The following RAB3C variants were observed in gnomAD, a reference collection of about 807,000 sequenced individuals.
The protein encoded by RAB3C is ras-related protein Rab-3C.
In RAB3C, 17 loss-of-function variants were observed where a neutral mutation model predicts 26.4. The observed-to-expected ratio is 0.64, with a 90% confidence interval of 0.44 to 0.97. The LOEUF is 0.97. RAB3C is among the 50% of genes least tolerant of loss of function. The probability of loss-of-function intolerance (pLI) is 0.00; values close to 1 mark genes in which losing one functional copy is unlikely to be tolerated. For missense variants in RAB3C, 242 were observed against 281.9 expected, an observed-to-expected ratio of 0.86 and a Z score of 1.01; for synonymous variants, 91 against 95.9, an observed-to-expected ratio of 0.95 and a Z score of 0.30.
chr5:58,617,196 G>A (rs543614706), intron 1 of RAB3C, among the ~76,000 whole-genome samples: 1 of 152,114 alleles, frequency 6.6e-6, no homozygotes, highest in Non-Finnish European at 1.5e-5. Flanking sequence ...TGCTTTGGGT[G>A]TGCTTCCCTA....
intron 3 of RAB3C, among the ~76,000 whole-genome samples, chr5:58,735,309 G>T (rs1741109614): frequency 6.6e-6 from 1 of 152,172 alleles, no homozygotes; most frequent in South Asian, 2.1e-4. Flanking sequence ...ATTTCTCGCT[G>T]CTCTGAGCAT....
intron 3 of RAB3C, among the ~76,000 whole-genome samples, chr5:58,729,529 T>A (rs1214012202): frequency 6.6e-6 from 1 of 151,598 alleles, no homozygotes; most frequent in Non-Finnish European, 1.5e-5. Flanking sequence ...CTGGCTTATT[T>A]TACGTAACAT....
chr5:58,819,736 G>A (rs1743296046), intron 3 of RAB3C, among the ~76,000 whole-genome samples: 1 of 151,990 alleles, frequency 6.6e-6, no homozygotes, highest in Admixed American at 6.6e-5. Context: ...AAAATTAGCG[G>A]GGTGTTGTGG....
intron 2 of RAB3C, among the ~76,000 whole-genome samples, chr5:58,720,051 TACAACCC>T (rs2111910929): frequency 6.6e-6 from 1 of 152,038 alleles, no homozygotes; most frequent in Non-Finnish European, 1.5e-5. Context: ...GGGGACACAA[TACAACCC>T]ACAGCAGAAA....
chr5:58,750,065 A>G (rs77400880), intron 3 of RAB3C, among the ~76,000 whole-genome samples: 2,062 of 152,214 alleles, frequency 0.014, 52 homozygotes, highest in African/African-American at 0.046. Context: ...AATGTATAGT[A>G]TATTTGTTTT....
chr5:58,613,406 C>T (rs1014788456), intron 1 of RAB3C, among the ~76,000 whole-genome samples: 1 of 152,030 alleles, frequency 6.6e-6, no homozygotes. Context: ...AAGTGATTAC[C>T]ATTTTGATGA....
intron 2 of RAB3C, among the ~76,000 whole-genome samples, chr5:58,681,096 T>G (rs909881269): frequency 6.6e-6 from 1 of 152,166 alleles, no homozygotes; most frequent in Non-Finnish European, 1.5e-5. Context: ...TATATGCTGT[T>G]TATGCAAATA....
chr5:58,610,008 A>G (rs1403295156), intron 1 of RAB3C, among the ~76,000 whole-genome samples: 1 of 152,004 alleles, frequency 6.6e-6, no homozygotes, highest in Non-Finnish European at 1.5e-5. Flanking sequence ...CACAATTCTA[A>G]TCGATTCTGA....
intron 2 of RAB3C, among the ~76,000 whole-genome samples, chr5:58,675,294 T>G (rs997950321): frequency 6.6e-6 from 1 of 152,092 alleles, no homozygotes; most frequent in Non-Finnish European, 1.5e-5. Context: ...AAGAGAAACA[T>G]TTTTTCTCCA....
intron 3 of RAB3C, among the ~76,000 whole-genome samples, chr5:58,812,501 G>C (rs1436149388): frequency 1.3e-5 from 2 of 152,148 alleles, no homozygotes; most frequent in African/African-American, 4.8e-5. Context: ...CCAGTGTCTT[G>C]TGCACTGTTG....
At chr5:58,706,725 A>T (rs1373654630) in intron 2 of RAB3C, among the ~76,000 whole-genome samples, 1 of 152,192 alleles carries the variant, frequency 6.6e-6, no homozygotes, top group East Asian at 1.9e-4. Context: ...TCTCTTCTAC[A>T]ACATCCTTAA....
At chr5:58,789,687 C>A (rs1267513551) in intron 3 of RAB3C, among the ~76,000 whole-genome samples, 1 of 152,070 alleles carries the variant, frequency 6.6e-6, no homozygotes, top group Non-Finnish European at 1.5e-5. Context: ...TTTTAAGCAG[C>A]CTCTTTATTT....
At chr5:58,705,612 A>G (rs762017559) in intron 2 of RAB3C, among the ~76,000 whole-genome samples, 1 of 152,162 alleles carries the variant, frequency 6.6e-6, no homozygotes, top group Non-Finnish European at 1.5e-5. Context: ...GAGGGAGAAT[A>G]TAAGTCTCTT....
rs565183135 is a variant in RAB3C at position 58,640,409 on chromosome 5, G to A, written c.252+22539G>A. ...TTTAAAATAACTCGGAGTGTGGAAT[G>A]AGGAAGGGAAGATTGAGGCTGACTA... On this transcript the variant is annotated intron_variant, in intron 2 of 4. Coordinates refer to ENST00000282878, the MANE Select transcript of RAB3C (RefSeq NM_138453.4). Among the ~76,000 whole-genome samples the A allele has an allele frequency of 6.6e-4, 100 of 152,282 alleles. 1 individual carries two copies. The highest frequency in any genetic ancestry group is 3.9e-3 in the Admixed American group (59 of 15,292).
chr5:58,582,679 CCA>C (rs987783307), upstream of RAB3C, among the ~76,000 whole-genome samples: 4 of 152,100 alleles, frequency 2.6e-5, no homozygotes, highest in African/African-American at 7.2e-5. Flanking sequence ...GCGGAGAGTC[CCA>C]GAGACCAGCT....
intron 2 of RAB3C, among the ~76,000 whole-genome samples, chr5:58,621,607 A>C (rs1746940215): frequency 6.6e-6 from 1 of 152,090 alleles, no homozygotes; most frequent in Admixed American, 6.6e-5. Context: ...AAGGAGTCTC[A>C]CCCTCTTGCC....
chr5:58,752,198 G>A (rs1741546082), intron 3 of RAB3C, among the ~76,000 whole-genome samples: 1 of 152,138 alleles, frequency 6.6e-6, no homozygotes, highest in South Asian at 2.1e-4. Flanking sequence ...CAACAAATCT[G>A]TTGACTAAGC....
At chr5:58,591,898 ATT>A (rs36103498) in intron 1 of RAB3C, among the ~76,000 whole-genome samples, 55,652 of 118,424 alleles carry the variant, frequency 0.47, 10,748 homozygotes, top group Non-Finnish European at 0.5. Flanking sequence ...TTCTTTTTCT[ATT>A]TTTTTTTTTT....
At chr5:58,621,802 C>T (rs1579821900) in intron 2 of RAB3C, among the ~76,000 whole-genome samples, 2 of 152,214 alleles carry the variant, frequency 1.3e-5, no homozygotes, top group African/African-American at 4.8e-5. Context: ...TCTCAAACTC[C>T]TGACCTCAAG....
Sources: gnomAD v4.1 joint callset for allele counts (sites outside exome capture counted in the v4.1 genomes callset) on GRCh38, gnomAD v4.1.1 for gene constraint, MANE v1.5 for transcripts, NCBI Gene and HGNC (gene_info 2026-07-23, HGNC 2026-07-21) for gene names.